The following FGF10 variants were observed in gnomAD, a reference collection of about 807,000 sequenced individuals.
FGF10 encodes FGF-10.
FGF10 carries 2 observed loss-of-function variants against 19.8 expected under a neutral mutation model. The observed-to-expected ratio is 0.10, with a 90% CI of 0.04 to 0.32. The LOEUF is 0.32. Ranked by LOEUF, FGF10 falls within the 10% of genes least tolerant of loss-of-function variation. The pLI is 1.00. For synonymous variants in FGF10, 112 were observed against 94.0 expected (o/e 1.19, Z -1.10); for missense variants, 191 against 246.3 (o/e 0.78, Z 1.50).
intron 1 of FGF10, among the ~76,000 whole-genome samples, chr5:44,340,742 A>G (rs571534147): frequency 1.3e-5 from 2 of 151,976 alleles, no homozygotes; most frequent in African/African-American, 2.4e-5. Context: ...CTTTTTTTCT[A>G]GGAATTTAAA....
At chr5:44,384,183 C>T (rs1343134510) in intron 1 of FGF10, among the ~76,000 whole-genome samples, 1 of 152,078 alleles carries the variant, frequency 6.6e-6, no homozygotes, top group East Asian at 1.9e-4. Context: ...AACAATTAAA[C>T]ATTTGGCCCT....
rs543846137 is a variant in FGF10 at position 44,365,797 on chromosome 5, A to T, written c.325+22561T>A. ...ACATGGTTAGAAGGGGGAGAACTAA[A>T]TACAAATATAGTTAGCCACAAATGT... On this transcript the variant is annotated intron_variant, in intron 1 of 2. Coordinates refer to ENST00000264664, the MANE Select transcript of FGF10 (RefSeq NM_004465.2). Among the ~76,000 whole-genome samples, 3 of 152,128 alleles carry T rather than the reference A, an allele frequency of 2.0e-5. No individual in the cohort carries two copies. The East Asian group carries it at 5.8e-4, about 30-fold the overall frequency.
At chr5:44,354,158 T>C (rs1741293810) in intron 1 of FGF10, among the ~76,000 whole-genome samples, 1 of 151,388 alleles carries the variant, frequency 6.6e-6, no homozygotes, top group Non-Finnish European at 1.5e-5. Context: ...ACAAAGAATA[T>C]ACTAGATCCT....
At position 44,303,572 on chromosome 5, in the gene FGF10, A is replaced by G. The variant is rs753801598; in HGVS notation, c.*1423T>C. 6 of 152,194 alleles carry G rather than the reference A, an allele frequency of 3.9e-5. No homozygotes were observed. The highest frequency in any genetic ancestry group is 2.1e-4 in the South Asian group (1 of 4,832). 9.4% of individuals were successfully genotyped at this position (152,194 alleles called of 1,614,324 possible). A position where few individuals can be genotyped will look rare whatever the true frequency, so the allele number is the denominator to read the frequency against. Reference sequence around the variant, plus strand: ...TTATGTATTTATTTAGTGGAATACAATGTGATGATGATTGGTAAACTCTTA... The same window carrying G: ...TTATGTATTTATTTAGTGGAATACAGTGTGATGATGATTGGTAAACTCTTA... On this transcript the variant is annotated 3_prime_UTR_variant, in exon 3 of 3. Transcript: ENST00000264664.
intron 1 of FGF10, among the ~76,000 whole-genome samples, chr5:44,355,676 C>T (rs1741331023): frequency 6.6e-6 from 1 of 151,132 alleles, no homozygotes; most frequent in Non-Finnish European, 1.5e-5. Flanking sequence ...AATACTTAAA[C>T]AAAACTAAAA....
intron 1 of FGF10, among the ~76,000 whole-genome samples, chr5:44,351,739 A>G (rs563095111): frequency 6.6e-6 from 1 of 151,738 alleles, no homozygotes; most frequent in Non-Finnish European, 1.5e-5. Flanking sequence ...GAACCCTATG[A>G]ATTTCCATTC....
At chr5:44,369,334 T>C (rs1052349846) in intron 1 of FGF10, among the ~76,000 whole-genome samples, 1 of 152,278 alleles carries the variant, frequency 6.6e-6, no homozygotes, top group East Asian at 1.9e-4. Flanking sequence ...GAGGAAACTA[T>C]AGAATCTCGT....
rs1000855485 is a variant in FGF10 at position 44,301,897 on chromosome 5, G to A, written c.*3098C>T. On this transcript the variant is annotated 3_prime_UTR_variant, in exon 3 of 3. Transcript: ENST00000264664. ...ACATTTTTATTGTTTTTATTTAAATGTAACATACTATACACTGTTCAGCCT... is the reference window on the plus strand; with the variant it reads ...ACATTTTTATTGTTTTTATTTAAATATAACATACTATACACTGTTCAGCCT... Among the ~76,000 whole-genome samples the A allele has an allele frequency of 2.0e-5, 3 of 152,006 alleles. No individual in the cohort carries two copies. Among genetic ancestry groups the A allele is most frequent in the African/African-American group, 7.2e-5 (3 of 41,404 alleles).
At chr5:44,305,555 C>T (rs1006550759) in intron 2 of FGF10, among the ~76,000 whole-genome samples, 1 of 152,054 alleles carries the variant, frequency 6.6e-6, no homozygotes, top group African/African-American at 2.4e-5. Context: ...TGTTATAATG[C>T]TTCTTTTACA....
chr5:44,355,167 G>C (rs1741318712), intron 1 of FGF10, among the ~76,000 whole-genome samples: 2 of 151,400 alleles, frequency 1.3e-5, no homozygotes, highest in Non-Finnish European at 3.0e-5. Context: ...AAATGGGGTA[G>C]GAAAGAAGAC....
At chr5:44,311,692 C>T (rs1048597009) in intron 1 of FGF10, among the ~76,000 whole-genome samples, 1 of 152,088 alleles carries the variant, frequency 6.6e-6, no homozygotes, top group East Asian at 1.9e-4. Context: ...TCCAACAGTG[C>T]TAGATTTTGG....
At position 44,304,874 on chromosome 5, in the gene FGF10, T is replaced by C; in HGVS notation, c.*121A>G. ...AAAACCTTCAAAGGCTGGCTTTCTT[T>C]TAAGCAAGCAGACATCTGCAACGTG... On this transcript the variant is annotated 3_prime_UTR_variant, in exon 3 of 3. Coordinates refer to ENST00000264664, the MANE Select transcript of FGF10 (RefSeq NM_004465.2). 2.0e-6 allele frequency: 2 copies of C among 994,796 alleles called. No homozygotes were observed. Among genetic ancestry groups the C allele is most frequent in the Non-Finnish European group, 3.2e-6 (2 of 628,748 alleles). 61.6% of individuals were successfully genotyped at this position (994,796 alleles called of 1,614,324 possible). A position where few individuals can be genotyped will look rare whatever the true frequency, so the allele number is the denominator to read the frequency against.
intron 1 of FGF10, among the ~76,000 whole-genome samples, chr5:44,362,989 C>T (rs1298228769): frequency 4.0e-5 from 6 of 151,680 alleles, no homozygotes; most frequent in East Asian, 1.9e-4. Context: ...TTTCACGGGG[C>T]CTGGCATGTA....
chr5:44,339,526 C>T (rs944233297), intron 1 of FGF10, among the ~76,000 whole-genome samples: 2 of 152,106 alleles, frequency 1.3e-5, no homozygotes, highest in Non-Finnish European at 1.5e-5. Context: ...GACAATTTTC[C>T]TTGCGTATTT....
intron 1 of FGF10, among the ~76,000 whole-genome samples, chr5:44,330,195 G>A (rs1012413019): frequency 9.9e-5 from 15 of 152,168 alleles, no homozygotes; most frequent in Non-Finnish European, 2.1e-4. Context: ...TAAACAAGGT[G>A]CAAGGAGACA....
At chr5:44,362,711 G>C (rs561232672) in intron 1 of FGF10, among the ~76,000 whole-genome samples, 3 of 151,550 alleles carry the variant, frequency 2.0e-5, no homozygotes, top group Non-Finnish European at 4.4e-5. Flanking sequence ...TACTCAAAAT[G>C]TCCCTAATGT....
Position 44,304,865 on chromosome 5 carries a change from G to T in FGF10, c.*130C>A. 1.1e-6 allele frequency: 1 copy of T among 879,602 alleles called. No homozygotes were observed. Among genetic ancestry groups the T allele is most frequent in the Non-Finnish European group, 1.9e-6 (1 of 529,550 alleles). 54.5% of individuals were successfully genotyped at this position (879,602 alleles called of 1,614,324 possible). A position where few individuals can be genotyped will look rare whatever the true frequency, so the allele number is the denominator to read the frequency against. On this transcript the variant is annotated 3_prime_UTR_variant, in exon 3 of 3. Coordinates refer to ENST00000264664, the MANE Select transcript of FGF10 (RefSeq NM_004465.2). ...GTGAATACAAAAACCTTCAAAGGCT[G>T]GCTTTCTTTTAAGCAAGCAGACATC...
chr5:44,368,786 C>T (rs540853877), intron 1 of FGF10, among the ~76,000 whole-genome samples: 13 of 152,136 alleles, frequency 8.5e-5, no homozygotes, highest in African/African-American at 2.4e-4. Flanking sequence ...CCGCCTCAGA[C>T]TCTCGAGTAG....
At chr5:44,366,127 C>CTTTTTTTTTTTTTTTTTTTTTT (rs35522683) in intron 1 of FGF10, among the ~76,000 whole-genome samples, 4 of 74,824 alleles carry the variant, frequency 5.3e-5, no homozygotes, top group Non-Finnish European at 7.0e-5. Flanking sequence ...CAATTATTTC[C>CTTTTTTTTTTTTTTTTTTTTTT]TTTTTTTTTT....
Sources: allele counts gnomAD v4.1 joint callset (sites outside exome capture counted in the v4.1 genomes callset), GRCh38; gene constraint gnomAD v4.1.1; transcripts MANE v1.5; gene names NCBI Gene and HGNC (gene_info 2026-07-23, HGNC 2026-07-21).